FKBP1B: variants seen among roughly 807,000 people sequenced by gnomAD.
The protein encoded by FKBP1B is peptidyl-prolyl cis-trans isomerase FKBP1B.
Under a neutral mutation model 13.5 loss-of-function variants are expected in FKBP1B, and 4 were observed. The ratio of observed to expected loss-of-function variants is 0.30; its 90% CI spans 0.15 to 0.68. FKBP1B has a LOEUF of 0.68. FKBP1B is among the 30% of genes least tolerant of loss of function. The pLI, the probability that FKBP1B is intolerant of heterozygous loss-of-function variation, is 0.76. For missense variants in FKBP1B, 93 were observed against 136.2 expected, an observed-to-expected ratio of 0.68 and a Z score of 1.58; for synonymous variants, 54 against 53.6, an observed-to-expected ratio of 1.01 and a Z score of -0.03.
At chr2:24,039,426 G>A in the FKBP1B span, 2 of 1,614,258 alleles carry the variant, frequency 1.2e-6, no homozygotes, top group Non-Finnish European at 1.7e-6. Flanking sequence ...CAAGGCCATG[G>A]ATCGGATGCA....
chr2:24,035,936 GCA>G, the FKBP1B span, among the ~76,000 whole-genome samples: 3 of 151,804 alleles, frequency 2.0e-5, no homozygotes, highest in African/African-American at 7.3e-5. Context: ...AGGTGTGGTG[GCA>G]CGTGCCTGTA....
the FKBP1B span, among the ~76,000 whole-genome samples, chr2:24,036,482 T>C: frequency 0.12 from 17,782 of 152,220 alleles, 1,244 homozygotes; most frequent in South Asian, 0.19. Flanking sequence ...GGCGGGCGTG[T>C]GATGATGCAC....
At chr2:24,062,899 A>G in intron 3 of FKBP1B, 165 bp from the exon 4 acceptor site, 1 of 1,027,846 alleles carries the variant, frequency 9.7e-7, no homozygotes, top group Non-Finnish European at 1.4e-6. Flanking sequence ...TGCGTTTGTT[A>G]AAGCTGTTAG....
At chr2:24,057,020 G>A (rs1664157340) in intron 2 of FKBP1B, among the ~76,000 whole-genome samples, 1 of 152,000 alleles carries the variant, frequency 6.6e-6, no homozygotes, top group South Asian at 2.1e-4. Flanking sequence ...ATTTATAGGA[G>A]TTTTGTATAT....
chr2:24,047,130 A>C (rs1573673081), upstream of FKBP1B, among the ~76,000 whole-genome samples: 1 of 149,956 alleles, frequency 6.7e-6, no homozygotes, highest in African/African-American at 2.5e-5. Context: ...ATTTACACCC[A>C]CCCCTAGCTC....
At chr2:24,061,152 C>A (rs536311160) in intron 3 of FKBP1B, among the ~76,000 whole-genome samples, 2 of 152,104 alleles carry the variant, frequency 1.3e-5, no homozygotes, top group Admixed American at 6.6e-5. Context: ...CCAAGCACAT[C>A]CCCCTAGGCT....
At chr2:24,056,274 G>C (rs7580354) in intron 2 of FKBP1B, among the ~76,000 whole-genome samples, 17,726 of 151,972 alleles carry the variant, frequency 0.12, 1,231 homozygotes, top group South Asian at 0.18. Context: ...ACAGGAATGA[G>C]CCACCACACC....
chr2:24,049,203 T>G (rs1362146309), upstream of FKBP1B, among the ~76,000 whole-genome samples: 1 of 151,844 alleles, frequency 6.6e-6, no homozygotes, highest in Non-Finnish European at 1.5e-5. Flanking sequence ...AAAATAAAAA[T>G]AAAAAATAAA....
upstream of FKBP1B, among the ~76,000 whole-genome samples, chr2:24,048,145 T>C (rs981053971): frequency 3.3e-5 from 5 of 152,176 alleles, no homozygotes; most frequent in Non-Finnish European, 7.4e-5. Flanking sequence ...AATCATATCT[T>C]CACATCAGTT....
chr2:24,053,907 A>T lies in FKBP1B; in HGVS notation c.43A>T (p.Thr15Ser). The T allele has an allele frequency of 6.2e-7, 1 of 1,614,118 alleles. No homozygotes were observed. The highest frequency in any genetic ancestry group is 8.5e-7 in the Non-Finnish European group (1 of 1,179,982). ...GCCCTCATGTCTCCCTGCAGGAAGG[A>T]CATTCCCCAAGAAGGGCCAAACGTG... ...IETISPGDGR[T>S]FPKKGQTCVV... Residue 15 changes from threonine (T) to serine (S), a missense_variant, in exon 2 of 4, where the codon ACA (threonine) becomes TCA (serine). Physicochemically the swap from Thr to Ser is moderately conservative, Grantham distance 58. Transcript: ENST00000380986.
Position 24,063,458 on chromosome 2 carries a change from G to GTTTT in FKBP1B, c.*266_*267insTTTT. ...GATGCATGTAGTAGCCTTTCCTGAT[G>GTTTT]ACAGAACACAGATCTCTTGTTCGCA... On this transcript the variant is annotated 3_prime_UTR_variant, in exon 4 of 4. Coordinates refer to ENST00000380986, the MANE Select transcript of FKBP1B (RefSeq NM_004116.5). 4.7e-6 allele frequency: 2 copies of GTTTT among 424,252 alleles called. No homozygotes were observed. The highest frequency in any genetic ancestry group is 8.4e-6 in the Non-Finnish European group (2 of 238,472). 26.3% of individuals were successfully genotyped at this position (424,252 alleles called of 1,614,324 possible). A position where few individuals can be genotyped will look rare whatever the true frequency, so the allele number is the denominator to read the frequency against.
At chr2:24,061,520 G>A (rs1000632747) in intron 3 of FKBP1B, among the ~76,000 whole-genome samples, 1 of 152,168 alleles carries the variant, frequency 6.6e-6, no homozygotes, top group South Asian at 2.1e-4. Flanking sequence ...TAGTGGAAGA[G>A]TTGGGGTGGA....
the FKBP1B span, among the ~76,000 whole-genome samples, chr2:24,035,204 A>AG: frequency 3.3e-5 from 5 of 151,912 alleles, no homozygotes; most frequent in African/African-American, 1.2e-4. Context: ...GGAAAAAAAA[A>AG]TACTATGCAG....
At chr2:24,036,344 A>G in the FKBP1B span, among the ~76,000 whole-genome samples, 3 of 141,770 alleles carry the variant, frequency 2.1e-5, no homozygotes, top group Non-Finnish European at 4.6e-5. Flanking sequence ...TGTCTCTGCT[A>G]AAAAAAAAAA....
At chr2:24,036,614 TG>T in the FKBP1B span, among the ~76,000 whole-genome samples, 1 of 152,194 alleles carries the variant, frequency 6.6e-6, no homozygotes, top group African/African-American at 2.4e-5. Flanking sequence ...GGTACTAATA[TG>T]AATGGATACA....
chr2:24,057,210 G>A (rs1031256103), intron 2 of FKBP1B, among the ~76,000 whole-genome samples: 5 of 150,696 alleles, frequency 3.3e-5, no homozygotes, highest in Non-Finnish European at 7.4e-5. Context: ...TTTGAGATAG[G>A]ATCTCACTCT....
chr2:24,059,379 G>GGGGA (rs1553320970), intron 2 of FKBP1B, among the ~76,000 whole-genome samples: 5 of 151,850 alleles, frequency 3.3e-5, no homozygotes, highest in African/African-American at 1.2e-4. Flanking sequence ...ACCTGGGGGG[G>GGGGA]GGTTCTGGTT....
At chr2:24,039,072 A>G in the FKBP1B span, 1 of 1,614,214 alleles carries the variant, frequency 6.2e-7, no homozygotes, top group South Asian at 1.1e-5. Context: ...CAGAGTGAAC[A>G]TTAGGGAAAA....
the FKBP1B span, among the ~76,000 whole-genome samples, chr2:24,042,709 C>CAA: frequency 5.7e-5 from 8 of 140,670 alleles, no homozygotes; most frequent in Non-Finnish European, 9.3e-5. Context: ...AACTCTGTCT[C>CAA]AAAAAAAAAA....
Sources: gnomAD v4.1 joint callset for allele counts (sites outside exome capture counted in the v4.1 genomes callset) on GRCh38, gnomAD v4.1.1 for gene constraint, MANE v1.5 for transcripts, NCBI Gene and HGNC (gene_info 2026-07-23, HGNC 2026-07-21) for gene names.